Variants in MASP2 observed in about 807,000 individuals in gnomAD.
The protein encoded by MASP2 is mannan-binding lectin serine protease 2.
Under a neutral mutation model 57.1 loss-of-function variants are expected in MASP2, and 49 were observed. That is an observed-to-expected ratio of 0.86 (90% CI 0.68 to 1.09). The LOEUF is 1.09. MASP2 is among the 50% of genes least tolerant of loss of function. The pLI is 0.00. For missense variants in MASP2, 900 were observed against 874.8 expected, an observed-to-expected ratio of 1.03 and a Z score of -0.36; for synonymous variants, 379 against 340.8, an observed-to-expected ratio of 1.11 and a Z score of -1.24.
chr1:11,031,227 A>G (rs1643838385), intron 8 of MASP2, among the ~76,000 whole-genome samples: 1 of 151,814 alleles, frequency 6.6e-6, no homozygotes, highest in Non-Finnish European at 1.5e-5. Flanking sequence ...CATGTCAAAT[A>G]TAAGAAAGAT....
rs1405628628 is a variant in MASP2, at chr1:11,034,836, G to A, written c.1079C>T (p.Ala360Val). 22 of 1,611,708 alleles carry A rather than the reference G, an allele frequency of 1.4e-5. No homozygotes were observed. The highest frequency in any genetic ancestry group is 3.3e-5 in the South Asian group (3 of 90,612). Reference sequence around the variant, plus strand: ...TCACCACACGACCGTACTGCTGCACGCGGGCATTGGCCGGTCCCAAGATCC... The same window carrying A: ...TCACCACACGACCGTACTGCTGCACACGGGCATTGGCCGGTCCCAAGATCC... ...KDGSWDRPMP[A>V]CSIVDCGPPD... The change falls in exon 8 of 11, where the codon GCG becomes GTG. Residue 360 changes from alanine (A) to valine (V), a missense_variant. Transcript: ENST00000400897.
intron 3 of MASP2, 138 bp from the exon 4 acceptor site, chr1:11,045,677 C>T (rs1398311085): frequency 3.2e-6 from 3 of 939,560 alleles, no homozygotes; most frequent in Non-Finnish European, 4.7e-6. Flanking sequence ...GGACTGGTGC[C>T]GGGCCAATCA....
chr1:11,046,952 C>A lies in MASP2; in HGVS notation c.173G>T (p.Arg58Leu). The A allele has an allele frequency of 6.4e-7, 1 of 1,568,950 alleles. No homozygotes were observed. The highest frequency in any genetic ancestry group is 2.4e-5 in the East Asian group (1 of 42,516). Reference sequence around the variant, plus strand: ...CAGGTCGAAGTGGGTGAAGTAGAGGCGCAGGCGGTAGCCGGGGGGTGCAGT... The same window carrying A: ...CAGGTCGAAGTGGGTGAAGTAGAGGAGCAGGCGGTAGCCGGGGGGTGCAGT... Reference protein sequence around the residue: ...TLTAPPGYRLRLYFTHFDLEL... With the variant: ...TLTAPPGYRLLLYFTHFDLEL... Residue 58 changes from arginine (R) to leucine (L), a missense_variant, in exon 2 of 11, where the codon CGC (arginine) becomes CTC (leucine). Arg to Leu is a moderately radical substitution (Grantham distance 102). Transcript: ENST00000400897.
At chr1:11,036,510 C>CA (rs35642467) in intron 7 of MASP2, among the ~76,000 whole-genome samples, 642 of 54,308 alleles carry the variant, frequency 0.012, 65 homozygotes, top group African/African-American at 0.021. Context: ...GACTCCGTCT[C>CA]AAAAAAAAAA....
chr1:11,040,984 T>C (rs530043015), intron 6 of MASP2, among the ~76,000 whole-genome samples: 2 of 148,774 alleles, frequency 1.3e-5, no homozygotes, highest in African/African-American at 2.5e-5. Context: ...GATGGATAGA[T>C]AGAAGAATGT....
chr1:11,039,755 G>A (rs1274178710), intron 6 of MASP2, among the ~76,000 whole-genome samples: 6 of 151,884 alleles, frequency 4.0e-5, no homozygotes, highest in African/African-American at 1.4e-4. Context: ...TGGATAGATA[G>A]AAGGATGTGT....
Position 11,045,444 on chromosome 1 carries a change from C to T in MASP2, c.508G>A (p.Gly170Ser), listed in dbSNP as rs1432247315. Residue 170 changes from glycine to serine, a missense_variant, in exon 4 of 11, where the codon GGC (glycine) becomes AGC (serine). Transcript: ENST00000400897. ...LGGFYCSCRAGYVLHRNKRTC... is the reference protein window; with the variant it reads ...LGGFYCSCRASYVLHRNKRTC... ...CGCTTGTTACGGTGCAGGACGTAGC[C>T]TGCGCGGCAGGAGCAGTAGAAACCG... 1.2e-6 allele frequency: 2 copies of T among 1,613,174 alleles called. No homozygotes were observed. Among genetic ancestry groups the T allele is most frequent in the African/African-American group, 2.7e-5 (2 of 74,918 alleles).
chr1:11,033,639 C>T (rs540670117), intron 8 of MASP2, among the ~76,000 whole-genome samples: 1 of 151,004 alleles, frequency 6.6e-6, no homozygotes, highest in Non-Finnish European at 1.5e-5. Context: ...AGTGAGACTC[C>T]GTCTCCAAAA....
chr1:11,042,397 TG>T (rs1638486848), intron 6 of MASP2, among the ~76,000 whole-genome samples: 2 of 19,670 alleles, frequency 1.0e-4, no homozygotes, highest in Admixed American at 1.6e-3. Context: ...ATAGATGGAT[TG>T]GATGGATGGA....
chr1:11,044,691 G>A (rs1638568928), intron 4 of MASP2: 34 of 1,048,278 alleles, frequency 3.2e-5, no homozygotes, highest in Non-Finnish European at 4.4e-5. Flanking sequence ...CCCCATGGAG[G>A]AGGCTCCCAC....
rs1416221262 is a variant in MASP2, at chr1:11,034,914, A to G, written c.1009-8T>C. ...TTTCAGGGGCAAGTGACCCTAAAGAAGAATTCAGAATATATTAATTTCCTT... is the reference window on the plus strand; with the variant it reads ...TTTCAGGGGCAAGTGACCCTAAAGAGGAATTCAGAATATATTAATTTCCTT... On this transcript the variant is annotated splice_polypyrimidine_tract_variant and splice_region_variant and intron_variant, in intron 7 of 10. Transcript: ENST00000400897. The G allele has an allele frequency of 1.9e-6, 3 of 1,579,222 alleles. No individual in the cohort carries two copies. In the East Asian group the frequency reaches 6.7e-5, roughly 35 times the overall value.
rs1011387943 is a variant in MASP2 at position 11,027,131 on chromosome 1, TG to T, written c.1814del (p.Pro605HisfsTer8). ...HQKCTAAYEK[P>X]PYPRGSVTAN... ...CAGTTACACTTCCCCTTGGATAGGGTGGCTTTTCATATGCAGCAGTACATTT... is the reference window on the plus strand; with the variant it reads ...CAGTTACACTTCCCCTTGGATAGGGTGCTTTTCATATGCAGCAGTACATTT... On this transcript the variant is annotated frameshift_variant, in exon 11 of 11. Coordinates refer to ENST00000400897, the MANE Select transcript of MASP2 (RefSeq NM_006610.4). LOFTEE classifies it high-confidence loss of function. The T allele has an allele frequency of 6.2e-7, 1 of 1,612,540 alleles. No individual in the cohort carries two copies. Among genetic ancestry groups the T allele is most frequent in the African/African-American group, 1.3e-5 (1 of 74,860 alleles).
chr1:11,031,340 G>A (rs990956521), intron 8 of MASP2, among the ~76,000 whole-genome samples: 2 of 151,558 alleles, frequency 1.3e-5, no homozygotes, highest in Non-Finnish European at 2.9e-5. Context: ...TGGCTAACAC[G>A]GTGAAACCCC....
chr1:11,033,955 ACACACACACACTCTCTCTCTCTCT>A (rs1431623700), intron 8 of MASP2, among the ~76,000 whole-genome samples: 7 of 69,622 alleles, frequency 1.0e-4, no homozygotes, highest in African/African-American at 3.3e-4. Flanking sequence ...ACACACACAC[ACACACACACACTCTCTCTCTCTCT>A]CTCTCTCACA....
chr1:11,040,636 G>A (rs907995178), intron 6 of MASP2, among the ~76,000 whole-genome samples: 2 of 151,450 alleles, frequency 1.3e-5, no homozygotes, highest in African/African-American at 4.9e-5. Flanking sequence ...ATGGGTATAT[G>A]GATGGATGGA....
intron 5 of MASP2, 136 bp downstream of exon 5, chr1:11,043,203 C>T: frequency 2.0e-6 from 2 of 980,136 alleles, no homozygotes; most frequent in Non-Finnish European, 3.0e-6. Flanking sequence ...AGCCTTGGAC[C>T]TCCATAGAGC....
chr1:11,044,525 G>C (rs2100904122), intron 4 of MASP2, among the ~76,000 whole-genome samples: 1 of 152,284 alleles, frequency 6.6e-6, no homozygotes, highest in Admixed American at 6.5e-5. Flanking sequence ...TGTCTCCTCT[G>C]TGGGTCAGGC....
chr1:11,028,716 T>C (rs12743634), intron 10 of MASP2, among the ~76,000 whole-genome samples: 1 of 128,862 alleles, frequency 7.8e-6, no homozygotes. Context: ...CTTTTTTTTT[T>C]TTTTTTTTTT....
intron 7 of MASP2, among the ~76,000 whole-genome samples, chr1:11,036,629 CT>C (rs748876362): frequency 0.031 from 3,399 of 110,258 alleles, 102 homozygotes; most frequent in African/African-American, 0.098. Flanking sequence ...AAGTGTCTCT[CT>C]TTTTTTTTTT....
Sources: gnomAD v4.1 joint callset for allele counts (sites outside exome capture counted in the v4.1 genomes callset) on GRCh38, gnomAD v4.1.1 for gene constraint, MANE v1.5 for transcripts, NCBI Gene and HGNC (gene_info 2026-07-23, HGNC 2026-07-21) for gene names.